The following ICA1 variants were observed in gnomAD, a reference collection of about 807,000 sequenced individuals.
ICA1 encodes the protein islet cell autoantigen 1.
A neutral mutation model predicts 71.0 loss-of-function variants in ICA1; 40 were observed. The ratio of observed to expected loss-of-function variants is 0.56; its 90% confidence interval spans 0.44 to 0.73. ICA1 has a LOEUF of 0.73. Among genes scored for constraint, ICA1 ranks in the 30% least tolerant of loss-of-function variants. The pLI is 0.00. For synonymous variants in ICA1, 207 were observed against 209.5 expected (o/e 0.99, Z 0.10); for missense variants, 578 against 576.5 (o/e 1.00, Z -0.03).
intron 6 of ICA1, among the ~76,000 whole-genome samples, chr7:8,183,746 TGCATGCAAGGCCCTGTGTTTA>T (rs1188561970): frequency 5.3e-5 from 8 of 152,194 alleles, no homozygotes; most frequent in Non-Finnish European, 8.8e-5. Context: ...TATTAGGAGT[TGCATGCAAGGCCCTGTGTTTA>T]GCACTATGGA....
chr7:8,232,042 G>A (rs893080408), intron 3 of ICA1, among the ~76,000 whole-genome samples: 2 of 152,154 alleles, frequency 1.3e-5, no homozygotes, highest in Admixed American at 6.5e-5. Flanking sequence ...ACTATTGGCA[G>A]AAATGTCCAG....
chr7:8,165,925 T>C (rs548464307), intron 6 of ICA1, among the ~76,000 whole-genome samples: 6 of 152,304 alleles, frequency 3.9e-5, no homozygotes, highest in African/African-American at 1.4e-4. Context: ...ATCAATATTG[T>C]TGAAATGTCC....
chr7:8,126,578 T>A (rs1315869825), intron 13 of ICA1, among the ~76,000 whole-genome samples: 2 of 152,142 alleles, frequency 1.3e-5, no homozygotes, highest in South Asian at 4.1e-4. Flanking sequence ...CCACCAACTC[T>A]TGTGTCCATG....
rs1287546519 is a variant in ICA1 at position 8,130,684 on chromosome 7, CT to C, written c.1061-2543del. On this transcript the variant is annotated intron_variant, in intron 12 of 13. Transcript: ENST00000402384. This position sits in a 1 kb window ranked among gnomAD's most constrained non-coding sequence, Gnocchi z 4.2. The stretch of plus-strand genomic sequence containing the variant: ...TACAGTCGCTTTATACAGCCCTCCA[CT>C]AAGTCAAACCCTCAGGGAGGCTTCA... 6.6e-6 allele frequency among the ~76,000 whole-genome samples: 1 copy of C among 152,204 alleles called. No homozygotes were observed.
intron 3 of ICA1, among the ~76,000 whole-genome samples, chr7:8,229,749 A>G (rs527768883): frequency 1.3e-5 from 2 of 152,368 alleles, no homozygotes; most frequent in Non-Finnish European, 2.9e-5. Context: ...AAACTTGGTT[A>G]TAAAGAATAT....
chr7:8,146,080 A>G (rs1387110126), intron 8 of ICA1, among the ~76,000 whole-genome samples: 1 of 152,172 alleles, frequency 6.6e-6, no homozygotes. Context: ...TAGTTCATTC[A>G]GTTAACAAAT....
intron 3 of ICA1, 47 bp from the exon 4 acceptor site, chr7:8,228,720 G>A (rs1181553656): frequency 2.3e-6 from 3 of 1,308,972 alleles, no homozygotes; most frequent in East Asian, 2.3e-5. Flanking sequence ...AGACAGTGGT[G>A]AGATAAAAAA....
chr7:8,231,129 G>A (rs1800154327), intron 3 of ICA1, among the ~76,000 whole-genome samples: 1 of 152,154 alleles, frequency 6.6e-6, no homozygotes, highest in African/African-American at 2.4e-5. Context: ...GAAACAGCGT[G>A]ACCTTTAGGC....
intron 12 of ICA1, among the ~76,000 whole-genome samples, chr7:8,136,822 A>T (rs1793581633): frequency 6.6e-6 from 1 of 152,244 alleles, no homozygotes; most frequent in Non-Finnish European, 1.5e-5. Flanking sequence ...ACTAACAAAG[A>T]TCCTAACTAT....
chr7:8,151,229 G>A (rs2128160506), intron 8 of ICA1, among the ~76,000 whole-genome samples: 1 of 152,328 alleles, frequency 6.6e-6, no homozygotes, highest in Middle Eastern at 3.4e-3. Context: ...CCTCAGGGAG[G>A]AGTTAGGGAA....
At chr7:8,216,660 G>A (rs1175591444) in intron 6 of ICA1, among the ~76,000 whole-genome samples, 1 of 151,828 alleles carries the variant, frequency 6.6e-6, no homozygotes, top group Non-Finnish European at 1.5e-5. Flanking sequence ...TGGCACATAG[G>A]AGGTGTTCAA....
chr7:8,128,163 C>G (rs768347336), intron 12 of ICA1, 21 bp from the exon 13 acceptor site: 2 of 1,608,992 alleles, frequency 1.2e-6, no homozygotes, highest in Non-Finnish European at 8.5e-7. Context: ...TAACAGAGAA[C>G]AAAACGTCAC....
At chr7:8,162,698 C>T (rs1470028339) in intron 6 of ICA1, among the ~76,000 whole-genome samples, 1 of 152,022 alleles carries the variant, frequency 6.6e-6, no homozygotes, top group Admixed American at 6.5e-5. Context: ...ATAAATGTAC[C>T]CTTTATTTCT....
At chr7:8,149,779 A>T (rs548257411) in intron 8 of ICA1, among the ~76,000 whole-genome samples, 1 of 152,188 alleles carries the variant, frequency 6.6e-6, no homozygotes, top group South Asian at 2.1e-4. Flanking sequence ...AATTGTCTAT[A>T]AAAAAAATAA....
chr7:8,154,159 A>G (rs565339345), intron 8 of ICA1, among the ~76,000 whole-genome samples: 8 of 152,320 alleles, frequency 5.3e-5, no homozygotes, highest in African/African-American at 1.9e-4. Context: ...GTCACATAAA[A>G]CATTACAACA....
intron 6 of ICA1, among the ~76,000 whole-genome samples, chr7:8,162,699 CTTTA>C (rs1804329683): frequency 6.6e-6 from 1 of 152,096 alleles, no homozygotes. Flanking sequence ...TAAATGTACC[CTTTA>C]TTTCTTAGTT....
intron 10 of ICA1, among the ~76,000 whole-genome samples, chr7:8,139,797 T>C (rs533082193): frequency 1.3e-5 from 2 of 152,322 alleles, no homozygotes; most frequent in Admixed American, 6.5e-5. Flanking sequence ...TCTCTGTACA[T>C]TGAGCCTAAC....
intron 6 of ICA1, among the ~76,000 whole-genome samples, chr7:8,208,928 T>C (rs920403699): frequency 5.9e-5 from 9 of 152,304 alleles, no homozygotes; most frequent in Middle Eastern, 3.4e-3. Flanking sequence ...TGTTAAGAGA[T>C]GGGCTCAATT....
intron 6 of ICA1, among the ~76,000 whole-genome samples, chr7:8,203,235 C>T (rs3757516): frequency 0.17 from 17,945 of 107,618 alleles, 1,145 homozygotes; most frequent in Middle Eastern, 0.23. Context: ...GGTAAACATG[C>T]ATGTAAGTAC....
Sources: allele counts gnomAD v4.1 joint callset (sites outside exome capture counted in the v4.1 genomes callset), GRCh38; gene constraint gnomAD v4.1.1; non-coding constraint Gnocchi (gnomAD v3.1); transcripts MANE v1.5; gene names NCBI Gene and HGNC (gene_info 2026-07-23, HGNC 2026-07-21).